Variants in NR2F1-AS1 observed in about 807,000 individuals in gnomAD.
The protein encoded by NR2F1-AS1 is NR2F1 regulatory antisense RNA 1.
chr5:93,459,199 GA>G (rs1356236019), intron 4 of NR2F1-AS1, among the ~76,000 whole-genome samples: 2 of 151,692 alleles, frequency 1.3e-5, no homozygotes, highest in East Asian at 3.9e-4. Flanking sequence ...TTAAATATCT[GA>G]AATATTCAGA....
intron 4 of NR2F1-AS1, among the ~76,000 whole-genome samples, chr5:93,413,133 T>C (rs1427630125): frequency 6.6e-6 from 1 of 150,784 alleles, no homozygotes; most frequent in Non-Finnish European, 1.5e-5. Flanking sequence ...AAGTGTCTTC[T>C]TAATAAAAAC....
At chr5:93,411,775 C>T (rs1748862652) in intron 4 of NR2F1-AS1, among the ~76,000 whole-genome samples, 1 of 152,078 alleles carries the variant, frequency 6.6e-6, no homozygotes, top group African/African-American at 2.4e-5. Flanking sequence ...AAGAAAGTTC[C>T]CCTACCAGGT....
At chr5:93,550,434 G>T (rs1752199701) in intron 4 of NR2F1-AS1, among the ~76,000 whole-genome samples, 1 of 152,268 alleles carries the variant, frequency 6.6e-6, no homozygotes, top group African/African-American at 2.4e-5. Context: ...ATTGCAAATT[G>T]GGTATTTAGG....
intron 4 of NR2F1-AS1, among the ~76,000 whole-genome samples, chr5:93,475,198 G>A (rs1750456716): frequency 6.6e-6 from 1 of 151,484 alleles, no homozygotes; most frequent in South Asian, 2.1e-4. Flanking sequence ...ATTTTTCTGA[G>A]ACAAAGATCC....
intron 1 of NR2F1-AS1, among the ~76,000 whole-genome samples, chr5:93,567,190 A>G (rs1752638195): frequency 6.6e-6 from 1 of 152,128 alleles, no homozygotes; most frequent in Admixed American, 6.5e-5. Flanking sequence ...AATCTGGCAC[A>G]GAAAAAGAAG....
Position 93,522,020 on chromosome 5 carries a change from T to C in NR2F1-AS1, n.638+31741A>G, listed in dbSNP as rs563626441. The stretch of plus-strand genomic sequence containing the variant: ...GGTACATATATATCATGGAATACTA[T>C]GCAGCCATAAAAAAGAATAAGATCA... On this transcript the variant is annotated intron_variant and non_coding_transcript_variant, in intron 4 of 5. Coordinates refer to ENST00000660523, the Ensembl canonical transcript of NR2F1-AS1. Among the ~76,000 whole-genome samples the C allele has an allele frequency of 7.9e-5, 12 of 152,332 alleles. No homozygotes were observed. The South Asian group carries it at 2.5e-3, about 32-fold the overall frequency.
At position 93,579,945 on chromosome 5, in the gene NR2F1-AS1, G is replaced by C. The variant is rs1026612055; in HGVS notation, n.313+522C>G. Among the ~76,000 whole-genome samples the C allele has an allele frequency of 6.6e-6, 1 of 152,218 alleles. No homozygotes were observed. Among genetic ancestry groups the C allele is most frequent in the Non-Finnish European group, 1.5e-5 (1 of 68,042 alleles). ...GCAGCCATCGATCGCGTTACATTAG[G>C]GGATGGCGTTACAAACGGCGTCCGC... On this transcript the variant is annotated intron_variant and non_coding_transcript_variant, in intron 1 of 5. Coordinates refer to ENST00000660523, the Ensembl canonical transcript of NR2F1-AS1. This position sits in a 1 kb window ranked among gnomAD's most constrained non-coding sequence, Gnocchi z 5.1.
At chr5:93,568,130 TA>T (rs1752659273) in intron 1 of NR2F1-AS1, among the ~76,000 whole-genome samples, 1 of 152,192 alleles carries the variant, frequency 6.6e-6, no homozygotes, top group East Asian at 1.9e-4. Flanking sequence ...TTTAAAGACT[TA>T]AAATTTTTAA....
chr5:93,511,110 A>G (rs1205073717), intron 4 of NR2F1-AS1, among the ~76,000 whole-genome samples: 1 of 152,142 alleles, frequency 6.6e-6, no homozygotes, highest in Non-Finnish European at 1.5e-5. Flanking sequence ...ACAGAGTGCT[A>G]AGATTAAACA....
At chr5:93,534,048 C>T (rs1453460268) in intron 4 of NR2F1-AS1, among the ~76,000 whole-genome samples, 1 of 152,168 alleles carries the variant, frequency 6.6e-6, no homozygotes, top group Non-Finnish European at 1.5e-5. Context: ...TGCCACTGAA[C>T]TCCAGCCTGG....
At chr5:93,413,228 G>A (rs1046228025) in intron 4 of NR2F1-AS1, among the ~76,000 whole-genome samples, 1 of 144,438 alleles carries the variant, frequency 6.9e-6, no homozygotes, top group African/African-American at 2.5e-5. Context: ...ATATGTGTGT[G>A]TATATATATA....
chr5:93,465,216 A>C (rs1361127150), intron 4 of NR2F1-AS1, among the ~76,000 whole-genome samples: 1 of 152,254 alleles, frequency 6.6e-6, no homozygotes, highest in Non-Finnish European at 1.5e-5. Context: ...AAAGAACTTA[A>C]ACAACTTTAC....
chr5:93,410,359 G>A (rs993252477), intron 4 of NR2F1-AS1: 6 of 152,200 alleles, frequency 3.9e-5, no homozygotes, highest in Admixed American at 3.3e-4. Flanking sequence ...CCCTAGGGCT[G>A]GGGTCCACAG....
chr5:93,424,549 T>C (rs1749156879), intron 4 of NR2F1-AS1, among the ~76,000 whole-genome samples: 1 of 152,058 alleles, frequency 6.6e-6, no homozygotes. Flanking sequence ...ACCTACCATT[T>C]ACTATATCCC....
intron 4 of NR2F1-AS1, among the ~76,000 whole-genome samples, chr5:93,461,314 A>G (rs1750087384): frequency 6.6e-6 from 1 of 152,042 alleles, no homozygotes; most frequent in Non-Finnish European, 1.5e-5. Flanking sequence ...GGAACAACAC[A>G]TACTGGGGAT....
intron 1 of NR2F1-AS1, among the ~76,000 whole-genome samples, chr5:93,566,610 C>T (rs922733970): frequency 1.3e-5 from 2 of 151,990 alleles, no homozygotes; most frequent in African/African-American, 2.4e-5. Flanking sequence ...AATTAGAATG[C>T]TGCCTCTACA....
At chr5:93,470,362 G>A (rs1750340794) in intron 4 of NR2F1-AS1, among the ~76,000 whole-genome samples, 1 of 151,824 alleles carries the variant, frequency 6.6e-6, no homozygotes. Flanking sequence ...GTGCCTAGAT[G>A]CAGGCATTAA....
chr5:93,460,486 C>G (rs1561449196), intron 4 of NR2F1-AS1, among the ~76,000 whole-genome samples: 1 of 152,146 alleles, frequency 6.6e-6, no homozygotes, highest in Non-Finnish European at 1.5e-5. Flanking sequence ...AATGATGAGT[C>G]AGCAGCAACC....
chr5:93,568,736 G>C (rs936125809), intron 1 of NR2F1-AS1, among the ~76,000 whole-genome samples: 1 of 152,058 alleles, frequency 6.6e-6, no homozygotes, highest in African/African-American at 2.4e-5. Context: ...TTAATTCAAT[G>C]CATGGATCTA....
Sources: gnomAD v4.1 joint callset for allele counts (sites outside exome capture counted in the v4.1 genomes callset) on GRCh38, gnomAD v4.1.1 for gene constraint, Gnocchi (gnomAD v3.1) non-coding constraint, MANE v1.5 for transcripts, NCBI Gene and HGNC (gene_info 2026-07-23, HGNC 2026-07-21) for gene names.